Variants in RSPO2 observed in about 807,000 individuals in gnomAD.
RSPO2 encodes the protein R-spondin-2.
In RSPO2, 14 loss-of-function variants were observed where a neutral mutation model predicts 30.9. That is an observed-to-expected ratio of 0.45 (90% CI 0.30 to 0.71). RSPO2 has a LOEUF of 0.71. RSPO2 is among the 30% of genes least tolerant of loss of function. The probability of loss-of-function intolerance (pLI) is 0.08; values close to 1 mark genes in which losing one functional copy is unlikely to be tolerated. For missense variants in RSPO2, 264 were observed against 301.9 expected, an observed-to-expected ratio of 0.87 and a Z score of 0.93; for synonymous variants, 107 against 96.4, an observed-to-expected ratio of 1.11 and a Z score of -0.64.
intron 3 of RSPO2, among the ~76,000 whole-genome samples, chr8:107,972,010 T>C (rs1280653281): frequency 1.3e-5 from 2 of 152,190 alleles, no homozygotes; most frequent in African/African-American, 4.8e-5. Flanking sequence ...TCCTATTAAA[T>C]GTAGAAAACA....
chr8:107,985,133 T>C (rs1368850885), intron 3 of RSPO2, among the ~76,000 whole-genome samples: 1 of 152,168 alleles, frequency 6.6e-6, no homozygotes, highest in Non-Finnish European at 1.5e-5. Context: ...AGAAAAAGCA[T>C]ATTAAGACAA....
intron 2 of RSPO2, among the ~76,000 whole-genome samples, chr8:108,058,199 A>G (rs1258782622): frequency 2.0e-5 from 3 of 152,184 alleles, no homozygotes; most frequent in African/African-American, 7.2e-5. Context: ...ATTCTTATAC[A>G]CCAATAACAG....
At chr8:107,988,964 T>C in intron 3 of RSPO2, 92 bp downstream of exon 3, 2 of 1,225,154 alleles carry the variant, frequency 1.6e-6, no homozygotes, top group East Asian at 5.2e-5. Context: ...ACAAACACAT[T>C]TTTTTTAAAA....
chr8:107,913,882 A>T (rs1028648075), intron 5 of RSPO2, among the ~76,000 whole-genome samples: 87 of 152,288 alleles, frequency 5.7e-4, no homozygotes, highest in African/African-American at 1.9e-3. Flanking sequence ...AAATGCAACA[A>T]GTATCTGTAA....
intron 3 of RSPO2, among the ~76,000 whole-genome samples, chr8:107,974,841 T>TACACACACACACAC (rs750816937): frequency 1.1e-5 from 1 of 94,320 alleles, no homozygotes; most frequent in South Asian, 3.5e-4. Flanking sequence ...AACACACACA[T>TACACACACACACAC]ACACATACAC....
chr8:108,046,865 C>T (rs1021342666), intron 2 of RSPO2, among the ~76,000 whole-genome samples: 1 of 152,126 alleles, frequency 6.6e-6, no homozygotes, highest in Admixed American at 6.6e-5. Flanking sequence ...TTCAGTTGTG[C>T]AGGCAAAACA....
intron 3 of RSPO2, 83 bp downstream of exon 3, chr8:107,988,973 A>G: frequency 3.1e-6 from 4 of 1,302,896 alleles, no homozygotes; most frequent in Non-Finnish European, 4.2e-6. Context: ...TTTTTTTTAA[A>G]AAAATCATTC....
At chr8:107,951,666 G>C (rs1405464362) in intron 5 of RSPO2, among the ~76,000 whole-genome samples, 1 of 152,110 alleles carries the variant, frequency 6.6e-6, no homozygotes, top group Non-Finnish European at 1.5e-5. Flanking sequence ...GGGGCTGGCA[G>C]AGATTCCAGA....
At chr8:107,925,393 ATATATATATT>A (rs1163719327) in intron 5 of RSPO2, among the ~76,000 whole-genome samples, 1 of 151,040 alleles carries the variant, frequency 6.6e-6, no homozygotes, top group Non-Finnish European at 1.5e-5. Context: ...TTTTTCTTTT[ATATATATATT>A]TATATATATT....
intron 5 of RSPO2, among the ~76,000 whole-genome samples, chr8:107,912,393 A>G (rs1831257822): frequency 6.6e-6 from 1 of 152,126 alleles, no homozygotes; most frequent in African/African-American, 2.4e-5. Flanking sequence ...CCTGGGATCT[A>G]TTTGTAGGCA....
At chr8:107,990,271 A>C (rs1814804240) in intron 2 of RSPO2, among the ~76,000 whole-genome samples, 1 of 152,194 alleles carries the variant, frequency 6.6e-6, no homozygotes, top group African/African-American at 2.4e-5. Context: ...GAAACGTTCC[A>C]ATACATGATT....
chr8:107,980,894 T>C (rs1325592521), intron 3 of RSPO2, among the ~76,000 whole-genome samples: 2 of 152,246 alleles, frequency 1.3e-5, no homozygotes, highest in African/African-American at 4.8e-5. Flanking sequence ...CTTTATGTAA[T>C]GATGCTATCT....
At position 108,037,029 on chromosome 8, in the gene RSPO2, T is replaced by C. The variant is rs117370804; in HGVS notation, c.94+45516A>G. ...CCCTATGCCCTGTGGTACAACAATA[T>C]TGAAATTAAGACAATTAGTAACCCT... is the stretch of plus-strand genomic sequence containing the variant. On this transcript the variant is annotated intron_variant, in intron 2 of 5. Transcript: ENST00000276659. 3.6e-3 allele frequency among the ~76,000 whole-genome samples: 552 copies of C among 152,248 alleles called. 2 individuals are homozygous for C. Among genetic ancestry groups the C allele is most frequent in the Non-Finnish European group, 6.0e-3 (410 of 68,024 alleles).
chr8:108,013,517 A>G (rs886668508), intron 2 of RSPO2, among the ~76,000 whole-genome samples: 5 of 152,324 alleles, frequency 3.3e-5, no homozygotes, highest in South Asian at 2.1e-4. Flanking sequence ...AGGCCAAAGG[A>G]ACAGAACAGA....
intron 5 of RSPO2, among the ~76,000 whole-genome samples, chr8:107,931,620 G>T (rs1408765251): frequency 6.6e-6 from 1 of 152,106 alleles, no homozygotes; most frequent in African/African-American, 2.4e-5. Flanking sequence ...ACAACCAACG[G>T]ATGTAAGTTT....
At chr8:107,946,946 A>G (rs1033394081) in intron 5 of RSPO2, among the ~76,000 whole-genome samples, 2 of 152,234 alleles carry the variant, frequency 1.3e-5, no homozygotes, top group Non-Finnish European at 2.9e-5. Context: ...TGTGTGCTGT[A>G]GGTAAGGTTG....
chr8:107,987,299 T>C (rs1010445041), intron 3 of RSPO2, among the ~76,000 whole-genome samples: 1 of 152,200 alleles, frequency 6.6e-6, no homozygotes, highest in Non-Finnish European at 1.5e-5. Context: ...TCCTCTCCAA[T>C]TCATCTCCCT....
At chr8:108,056,111 G>T (rs966706754) in intron 2 of RSPO2, among the ~76,000 whole-genome samples, 1 of 152,166 alleles carries the variant, frequency 6.6e-6, no homozygotes, top group African/African-American at 2.4e-5. Flanking sequence ...TGCCTGCAGA[G>T]ATTATGTATT....
chr8:107,902,790 G>T (rs1423854886), intron 5 of RSPO2, among the ~76,000 whole-genome samples: 1 of 151,044 alleles, frequency 6.6e-6, no homozygotes, highest in African/African-American at 2.4e-5. Context: ...AGATTTAAAA[G>T]AATAACTTAT....
Sources: allele counts gnomAD v4.1 joint callset (sites outside exome capture counted in the v4.1 genomes callset), GRCh38; gene constraint gnomAD v4.1.1; transcripts MANE v1.5; gene names NCBI Gene and HGNC (gene_info 2026-07-23, HGNC 2026-07-21).